Variants in RNF17 observed in about 807,000 individuals in gnomAD.
RNF17 encodes the protein ring finger protein 17, also known as spermatogenesis associated 23.
A neutral mutation model predicts 200.5 loss-of-function variants in RNF17; 31 were observed. The ratio of observed to expected loss-of-function variants is 0.15; its 90% CI spans 0.12 to 0.21. The LOEUF (loss-of-function observed/expected upper bound fraction) is 0.21. RNF17 is among the 10% of genes least tolerant of loss of function. The probability of loss-of-function intolerance (pLI) is 1.00; values close to 1 mark genes in which losing one functional copy is unlikely to be tolerated. For synonymous variants in RNF17, 606 were observed against 637.8 expected (o/e 0.95, Z 0.75); for missense variants, 1,628 against 1,905.1 (o/e 0.85, Z 2.71).
chr13:24,873,678 C>A (rs1894539355), intron 32 of RNF17, among the ~76,000 whole-genome samples: 1 of 152,160 alleles, frequency 6.6e-6, no homozygotes, highest in East Asian at 1.9e-4. Context: ...TACCTATCAA[C>A]CAACCTCTCT....
chr13:24,871,040 T>A (rs1466006333), intron 32 of RNF17, among the ~76,000 whole-genome samples: 1 of 152,206 alleles, frequency 6.6e-6, no homozygotes, highest in African/African-American at 2.4e-5. Context: ...TATCAGTAGC[T>A]GAAATTGCAA....
intron 2 of RNF17, among the ~76,000 whole-genome samples, chr13:24,774,227 A>C (rs781191041): frequency 9.2e-5 from 14 of 152,014 alleles, no homozygotes; most frequent in Admixed American, 3.3e-4. Context: ...TTTGAAATAG[A>C]GTCTGGCTCT....
At chr13:24,759,974 C>T (rs1260767440), upstream of RNF17, among the ~76,000 whole-genome samples, 1 of 152,070 alleles carries the variant, frequency 6.6e-6, no homozygotes, top group Non-Finnish European at 1.5e-5. Flanking sequence ...AACCCCTTCT[C>T]TACTAAAAAT....
chr13:24,825,709 G>A lies in RNF17; in HGVS notation c.2182G>A (p.Val728Ile). 1 of 1,613,670 alleles carries A rather than the reference G, an allele frequency of 6.2e-7. No homozygotes were observed. Among genetic ancestry groups the A allele is most frequent in the African/African-American group, 1.3e-5 (1 of 75,032 alleles). ...DGENLEILCP[V>I]QDQACVAKFE... Reference sequence around the variant, plus strand: ...AGAAAATCTGGAAATCCTCTGTCCAGTTCAAGATCAAGCCTGTGTAGCTAA... The same window carrying A: ...AGAAAATCTGGAAATCCTCTGTCCAATTCAAGATCAAGCCTGTGTAGCTAA... Residue 728 changes from valine to isoleucine, a missense_variant, in exon 16 of 36, where the codon GTT becomes ATT. By Grantham distance (29) the Val-to-Ile change is conservative. Transcript: ENST00000255324.
intron 32 of RNF17, among the ~76,000 whole-genome samples, chr13:24,871,764 C>T (rs989969513): frequency 7.3e-5 from 11 of 149,942 alleles, no homozygotes; most frequent in Non-Finnish European, 1.5e-4. Flanking sequence ...TCCCGAATAG[C>T]TGTGATTATA....
At chr13:24,769,194 A>G (rs570650450) in intron 2 of RNF17, among the ~76,000 whole-genome samples, 1 of 152,264 alleles carries the variant, frequency 6.6e-6, no homozygotes, top group South Asian at 2.1e-4. Context: ...ATATTAAAAA[A>G]AAAAAAGACT....
At chr13:24,790,573 G>C (rs1480432559) in intron 9 of RNF17, among the ~76,000 whole-genome samples, 1 of 152,094 alleles carries the variant, frequency 6.6e-6, no homozygotes, top group African/African-American at 2.4e-5. Flanking sequence ...TATTCTATTT[G>C]TGCTGCTATA....
Position 24,870,624 on chromosome 13 carries a change from T to A in RNF17, c.4332T>A (p.Ser1444Arg), listed in dbSNP as rs748427637. ...CTTCTAACCAGTCTAACCAGCATAGTGACACAGATGATAGTGGAGTCAGCG... is the reference window on the plus strand; with the variant it reads ...CTTCTAACCAGTCTAACCAGCATAGAGACACAGATGATAGTGGAGTCAGCG... ...IETSNQSNQH[S>R]DTDDSGVSGE... Residue 1444 changes from serine (S) to arginine (R), a missense_variant, in exon 32 of 36, where the codon AGT (serine) becomes AGA (arginine). Around this residue, in one of 5 missense-constraint regions of RNF17, gnomAD observed 609 missense variants for 681.9 expected, o/e 0.89. Coordinates refer to ENST00000255324, the MANE Select transcript of RNF17 (RefSeq NM_031277.3). 1.9e-6 allele frequency: 3 copies of A among 1,614,094 alleles called. No homozygotes were observed. The highest frequency in any genetic ancestry group is 2.5e-6 in the Non-Finnish European group (3 of 1,179,956).
chr13:24,882,538 A>G (rs61947515), downstream of RNF17: 18,890 of 152,728 alleles, frequency 0.12, 1,262 homozygotes, highest in Middle Eastern at 0.16. Context: ...CTGGCTAGTC[A>G]TCGTTCATGC....
chr13:24,802,590 C>A lies in RNF17; in HGVS notation c.1949+19C>A. 1 of 1,567,120 alleles carries A rather than the reference C, an allele frequency of 6.4e-7. No homozygotes were observed. The highest frequency in any genetic ancestry group is 8.7e-7 in the Non-Finnish European group (1 of 1,154,098). The stretch of plus-strand genomic sequence containing the variant: ...TAGCAAAGTAAGTAACTTATTAAAA[C>A]TTAAATATTCTTTGAGATTATAGCT... On this transcript the variant is annotated intron_variant, in intron 14 of 35. Transcript: ENST00000255324.
chr13:24,842,221 A>G, intron 19 of RNF17, 60 bp downstream of exon 19: 1 of 1,435,380 alleles, frequency 7.0e-7, no homozygotes. Context: ...TTGTAATCAC[A>G]AGAAGGGAAA....
At chr13:24,772,758 C>A (rs1306180691) in intron 2 of RNF17, among the ~76,000 whole-genome samples, 1 of 152,002 alleles carries the variant, frequency 6.6e-6, no homozygotes, top group East Asian at 1.9e-4. Flanking sequence ...CTACAGGCGT[C>A]CACCACCACG....
At chr13:24,825,992 A>G in intron 16 of RNF17, 8 of 985,122 alleles carry the variant, frequency 8.1e-6, no homozygotes, top group Non-Finnish European at 9.6e-6. Context: ...TCTTGCTGGA[A>G]AAGTTGTATA....
At chr13:24,882,920 G>A, downstream of RNF17, 1 of 473,260 alleles carries the variant, frequency 2.1e-6, no homozygotes, top group South Asian at 2.2e-5. Context: ...CCCACTTACT[G>A]TAAAAACCTG....
chr13:24,862,037 A>AAACG (rs55665362), intron 27 of RNF17, among the ~76,000 whole-genome samples: 2 of 151,980 alleles, frequency 1.3e-5, no homozygotes, highest in East Asian at 3.9e-4. Context: ...GGAAACGGCC[A>AAACG]CTTTCAAAAC....
chr13:24,877,753 T>C (rs1386211693), intron 34 of RNF17, among the ~76,000 whole-genome samples: 1 of 152,226 alleles, frequency 6.6e-6, no homozygotes, highest in East Asian at 1.9e-4. Flanking sequence ...ATTATGCTAA[T>C]TGTACTAATC....
rs202190751 is a variant in RNF17 at position 24,851,427 on chromosome 13, A to G, written c.3205-29A>G. On this transcript the variant is annotated intron_variant, in intron 23 of 35. Transcript: ENST00000255324. ...TATGAAGATTTCATTTTGGTGTTTC[A>G]TATTTACTCTGCTCTTAAATCACTA... 105 of 1,453,588 alleles carry G rather than the reference A, an allele frequency of 7.2e-5. No individual in the cohort carries two copies. The African/African-American group carries it at 1.2e-3, about 17-fold the overall frequency. The allele number at this position is 1,453,588 out of a possible 1,614,324, so 90.0% of individuals were successfully genotyped here.
intron 2 of RNF17, among the ~76,000 whole-genome samples, chr13:24,771,743 C>T (rs991147780): frequency 5.9e-5 from 9 of 151,504 alleles, no homozygotes; most frequent in African/African-American, 1.7e-4. Flanking sequence ...GCTGAGCTCA[C>T]GCCTGTAATC....
chr13:24,753,341 C>T, the RNF17 span, among the ~76,000 whole-genome samples: 16,437 of 152,180 alleles, frequency 0.11, 1,144 homozygotes, highest in Non-Finnish European at 0.15. Flanking sequence ...TCTGGAAACA[C>T]GTGGCCTCCT....
Sources: allele counts gnomAD v4.1 joint callset (sites outside exome capture counted in the v4.1 genomes callset), GRCh38; gene constraint gnomAD v4.1.1; regional missense constraint gnomAD v4.1.1; transcripts MANE v1.5; gene names NCBI Gene and HGNC (gene_info 2026-07-23, HGNC 2026-07-21).